The following NRG2 variants were observed in gnomAD, a reference collection of about 807,000 sequenced individuals.
NRG2 encodes neuregulin 2.
Under a neutral mutation model 73.9 loss-of-function variants are expected in NRG2, and 27 were observed. The observed-to-expected ratio is 0.37, with a 90% CI of 0.27 to 0.50. NRG2 has a LOEUF of 0.50. Among genes scored for constraint, NRG2 ranks in the 20% least tolerant of loss-of-function variants. The pLI, the probability that NRG2 is intolerant of heterozygous loss-of-function variation, is 0.96. For missense variants in NRG2, 1,126 were observed against 1,210.1 expected, an observed-to-expected ratio of 0.93 and a Z score of 1.03; for synonymous variants, 532 against 541.0, an observed-to-expected ratio of 0.98 and a Z score of 0.23.
intron 6 of NRG2, among the ~76,000 whole-genome samples, chr5:139,854,391 C>G (rs1049845524): frequency 3.3e-5 from 5 of 152,238 alleles, no homozygotes; most frequent in African/African-American, 9.6e-5. Flanking sequence ...AAAGGTGTCC[C>G]GTGACACTGG....
chr5:140,011,670 G>A (rs1368498841), intron 1 of NRG2, among the ~76,000 whole-genome samples: 1 of 152,178 alleles, frequency 6.6e-6, no homozygotes, highest in South Asian at 2.1e-4. Context: ...CCACATGAAT[G>A]AGTCTGAAAG....
rs191878774 is a variant in NRG2 at position 139,989,734 on chromosome 5, G to A, written c.700+52636C>T. On this transcript the variant is annotated intron_variant, in intron 1 of 9. Coordinates refer to ENST00000361474, the MANE Select transcript of NRG2 (RefSeq NM_004883.3). ...AGTTTATTCAGTCTCTTGTTGATGG[G>A]CATTGAAGATTTTTTGCTAGGTTTT... Among the ~76,000 whole-genome samples, 132 of 150,064 alleles carry A rather than the reference G, an allele frequency of 8.8e-4. 2 individuals are homozygous for A. The highest frequency in any genetic ancestry group is 2.8e-3 in the African/African-American group (116 of 40,934).
chr5:139,879,246 T>A (rs536389766), intron 3 of NRG2, among the ~76,000 whole-genome samples: 1 of 150,892 alleles, frequency 6.6e-6, no homozygotes, highest in African/African-American at 2.5e-5. Context: ...TTCACTGGGA[T>A]GGCCACGCCC....
chr5:139,906,326 A>G (rs1765225577), intron 1 of NRG2, among the ~76,000 whole-genome samples: 3 of 152,154 alleles, frequency 2.0e-5, no homozygotes, highest in African/African-American at 7.2e-5. Flanking sequence ...TTTCTAAAAC[A>G]CAAACTAGAT....
intron 1 of NRG2, among the ~76,000 whole-genome samples, chr5:140,035,878 G>A (rs1246282713): frequency 2.6e-5 from 4 of 151,976 alleles, no homozygotes; most frequent in African/African-American, 9.7e-5. Flanking sequence ...TCTGTTTCTG[G>A]GGAGAGAAAA....
chr5:140,004,539 A>G (rs967432609), intron 1 of NRG2, among the ~76,000 whole-genome samples: 1 of 152,250 alleles, frequency 6.6e-6, no homozygotes, highest in Admixed American at 6.5e-5. Context: ...TCATTTCTGA[A>G]TTAATCTCAC....
intron 5 of NRG2, chr5:139,864,940 CA>C: frequency 2.9e-6 from 2 of 697,324 alleles, no homozygotes; most frequent in South Asian, 3.1e-5. Flanking sequence ...TTACTGTGCC[CA>C]GGAGGTACAG....
intron 1 of NRG2, among the ~76,000 whole-genome samples, chr5:139,918,938 G>A (rs534606101): frequency 5.8e-4 from 88 of 152,302 alleles, no homozygotes; most frequent in African/African-American, 2.0e-3. Context: ...CAAAACAGTC[G>A]ATGGGGAAAA....
At chr5:139,891,320 C>T (rs1274696461) in intron 1 of NRG2, among the ~76,000 whole-genome samples, 1 of 152,264 alleles carries the variant, frequency 6.6e-6, no homozygotes, top group Middle Eastern at 3.4e-3. Context: ...TTCAGAGGGC[C>T]TGAGGAACTG....
At chr5:140,006,479 A>T (rs985546297) in intron 1 of NRG2, among the ~76,000 whole-genome samples, 2 of 152,228 alleles carry the variant, frequency 1.3e-5, no homozygotes, top group Non-Finnish European at 2.9e-5. Context: ...GATGCACACA[A>T]AGATTAATGT....
chr5:139,860,167 T>C (rs1438114351), intron 5 of NRG2, among the ~76,000 whole-genome samples: 1 of 152,042 alleles, frequency 6.6e-6, no homozygotes, highest in African/African-American at 2.4e-5. Context: ...GCAGGCTCTT[T>C]AGAGATGAGC....
At chr5:139,959,784 A>T (rs774698286) in intron 1 of NRG2, among the ~76,000 whole-genome samples, 2 of 152,122 alleles carry the variant, frequency 1.3e-5, no homozygotes, top group Non-Finnish European at 2.9e-5. Context: ...AAGTGTTGGG[A>T]TTACAGGCGT....
intron 3 of NRG2, among the ~76,000 whole-genome samples, chr5:139,879,475 G>A (rs1763389868): frequency 6.6e-6 from 1 of 152,196 alleles, no homozygotes; most frequent in Admixed American, 6.5e-5. Flanking sequence ...CCATTTTACA[G>A]TAGGAAAGAA....
intron 1 of NRG2, among the ~76,000 whole-genome samples, chr5:139,912,020 A>G (rs570652872): frequency 6.6e-6 from 1 of 152,272 alleles, no homozygotes; most frequent in South Asian, 2.1e-4. Flanking sequence ...GTTCCCAGAA[A>G]CAGTTGTCCC....
chr5:140,027,804 C>T (rs894767656), intron 1 of NRG2, among the ~76,000 whole-genome samples: 2 of 152,234 alleles, frequency 1.3e-5, no homozygotes, highest in African/African-American at 4.8e-5. Context: ...AGGAACATCA[C>T]CAGCTTGGAT....
intron 1 of NRG2, among the ~76,000 whole-genome samples, chr5:140,006,794 A>C (rs1758937710): frequency 6.6e-6 from 1 of 152,128 alleles, no homozygotes; most frequent in Admixed American, 6.5e-5. Context: ...CTTCTTTTAT[A>C]CTTCTCTGTT....
intron 1 of NRG2, among the ~76,000 whole-genome samples, chr5:140,041,768 G>A (rs976132899): frequency 2.0e-5 from 3 of 151,964 alleles, no homozygotes; most frequent in African/African-American, 7.3e-5. Flanking sequence ...AAAAACTGGA[G>A]CCACATGGAG....
intron 1 of NRG2, among the ~76,000 whole-genome samples, chr5:140,003,387 G>T (rs529184375): frequency 6.6e-6 from 1 of 152,334 alleles, no homozygotes; most frequent in African/African-American, 2.4e-5. Context: ...ACTGGATTAT[G>T]TGAGTGGCCC....
chr5:139,852,931 C>T lies in NRG2; in HGVS notation c.1389G>A (p.Leu463=). 1 of 1,612,436 alleles carries T rather than the reference C, an allele frequency of 6.2e-7. No homozygotes were observed. Among genetic ancestry groups the T allele is most frequent in the Non-Finnish European group, 8.5e-7 (1 of 1,179,538 alleles). ...SLANGPSHPR[L]DPEEIQMADY... is the part of the protein sequence containing the mutation. Reference sequence around the variant, plus strand: ...CTGCCATCTGGATCTCCTCTGGGTCCAGCCGGGGGTGGCTGGGCCCATTGG... The same window carrying T: ...CTGCCATCTGGATCTCCTCTGGGTCTAGCCGGGGGTGGCTGGGCCCATTGG... The change falls in exon 7 of 10, where the codon CTG becomes CTA. Residue 463 remains leucine, a synonymous_variant. Coordinates refer to ENST00000361474, the MANE Select transcript of NRG2 (RefSeq NM_004883.3). The surrounding 1 kb of genome is among the most constrained non-coding windows in gnomAD (Gnocchi z 4.4).
Sources: allele counts gnomAD v4.1 joint callset (sites outside exome capture counted in the v4.1 genomes callset), GRCh38; gene constraint gnomAD v4.1.1; non-coding constraint Gnocchi (gnomAD v3.1); transcripts MANE v1.5; gene names NCBI Gene and HGNC (gene_info 2026-07-23, HGNC 2026-07-21).